Variants in FAM227B observed in about 807,000 individuals in gnomAD.
FAM227B encodes family with sequence similarity 227 member B.
Under a neutral mutation model 73.8 loss-of-function variants are expected in FAM227B, and 88 were observed. The observed-to-expected ratio is 1.19, with a 90% CI of 1.00 to 1.42. FAM227B has a LOEUF of 1.42. FAM227B is among the 40% of genes most tolerant of loss of function. FAM227B has a pLI of 0.00. For synonymous variants in FAM227B, 210 were observed against 190.5 expected (o/e 1.10, Z -0.84); for missense variants, 632 against 590.9 (o/e 1.07, Z -0.72).
intron 13 of FAM227B, among the ~76,000 whole-genome samples, chr15:49,358,914 A>G (rs2043675261): frequency 6.8e-6 from 1 of 147,640 alleles, no homozygotes. Flanking sequence ...AACAGAACAG[A>G]GCCCTCAGAA....
intron 5 of FAM227B, among the ~76,000 whole-genome samples, chr15:49,578,609 GATGACAT>G (rs1336718427): frequency 1.3e-5 from 2 of 151,870 alleles, no homozygotes; most frequent in Non-Finnish European, 2.9e-5. Context: ...TTAGAAAGAA[GATGACAT>G]ATGACATATA....
At chr15:49,565,745 T>C (rs2074603649) in intron 9 of FAM227B, among the ~76,000 whole-genome samples, 1 of 152,096 alleles carries the variant, frequency 6.6e-6, no homozygotes, top group African/African-American at 2.4e-5. Context: ...AGATCTTCGG[T>C]GGGGGTTAAG....
chr15:49,396,377 A>C (rs1350362386), intron 11 of FAM227B: 1 of 243,906 alleles, frequency 4.1e-6, no homozygotes, highest in Admixed American at 5.1e-5. Context: ...TTGCTAGCAC[A>C]GCAGTCTGAG....
intron 11 of FAM227B, among the ~76,000 whole-genome samples, chr15:49,495,496 C>T (rs973827145): frequency 1.3e-5 from 2 of 152,104 alleles, no homozygotes; most frequent in African/African-American, 4.8e-5. Flanking sequence ...AAATTGCTAC[C>T]ACTTTGGGAG....
At chr15:49,598,367 T>C (rs1017126840) in intron 3 of FAM227B, among the ~76,000 whole-genome samples, 22 of 152,052 alleles carry the variant, frequency 1.4e-4, no homozygotes, top group African/African-American at 4.8e-4. Flanking sequence ...CTGGAATCTT[T>C]AGAGTTTTGT....
chr15:49,602,724 C>A (rs1448212221), intron 3 of FAM227B, among the ~76,000 whole-genome samples: 1 of 152,138 alleles, frequency 6.6e-6, no homozygotes, highest in Non-Finnish European at 1.5e-5. Context: ...TTTGCCCAGA[C>A]CAATGTGCTG....
intron 12 of FAM227B, among the ~76,000 whole-genome samples, 200 bp downstream of exon 12, chr15:49,371,102 G>A (rs72727271): frequency 6.6e-6 from 1 of 152,110 alleles, no homozygotes; most frequent in Non-Finnish European, 1.5e-5. Context: ...CATTAGAAAT[G>A]GGGATATTTT....
At chr15:49,379,399 A>G (rs1420395991) in intron 11 of FAM227B, among the ~76,000 whole-genome samples, 1 of 152,166 alleles carries the variant, frequency 6.6e-6, no homozygotes, top group Non-Finnish European at 1.5e-5. Context: ...AATGTTTGCT[A>G]GAATTCAGCT....
intron 3 of FAM227B, among the ~76,000 whole-genome samples, chr15:49,609,253 T>C (rs761018032): frequency 2.6e-5 from 4 of 151,476 alleles, no homozygotes; most frequent in Non-Finnish European, 4.4e-5. Flanking sequence ...AAATGATCAA[T>C]AGAGAAATGA....
At chr15:49,554,388 C>T (rs1377945436) in intron 9 of FAM227B, among the ~76,000 whole-genome samples, 1 of 152,178 alleles carries the variant, frequency 6.6e-6, no homozygotes. Flanking sequence ...GAGTCGCAGT[C>T]CTTATGGCCT....
At chr15:49,427,320 A>C (rs1376853835) in intron 11 of FAM227B, among the ~76,000 whole-genome samples, 5 of 152,080 alleles carry the variant, frequency 3.3e-5, no homozygotes, top group Non-Finnish European at 7.4e-5. Flanking sequence ...TGGACAAATA[A>C]ATGAATGAAA....
At chr15:49,538,958 T>C (rs1224286064) in intron 10 of FAM227B, among the ~76,000 whole-genome samples, 2 of 152,160 alleles carry the variant, frequency 1.3e-5, no homozygotes, top group Admixed American at 1.3e-4. Context: ...TTTGGGTCAG[T>C]TACTAGAAAA....
intron 9 of FAM227B, among the ~76,000 whole-genome samples, chr15:49,564,757 A>T (rs2074512678): frequency 6.6e-6 from 1 of 152,070 alleles, no homozygotes; most frequent in African/African-American, 2.4e-5. Flanking sequence ...CAAATACCAC[A>T]TGTTCTCACT....
chr15:49,539,092 A>G (rs747858876), intron 10 of FAM227B, among the ~76,000 whole-genome samples: 3 of 152,100 alleles, frequency 2.0e-5, no homozygotes, highest in Non-Finnish European at 2.9e-5. Flanking sequence ...TTGGTGGGGA[A>G]AGAGCTTCAA....
intron 2 of FAM227B, among the ~76,000 whole-genome samples, chr15:49,612,919 T>C (rs1042881249): frequency 6.6e-6 from 1 of 152,178 alleles, no homozygotes; most frequent in Non-Finnish European, 1.5e-5. Flanking sequence ...ACAACCATTA[T>C]AGAAAATGAG....
intron 11 of FAM227B, among the ~76,000 whole-genome samples, chr15:49,481,340 T>G (rs139074606): frequency 3.7e-4 from 56 of 152,342 alleles, no homozygotes; most frequent in African/African-American, 1.3e-3. Context: ...TCTTCAGTAT[T>G]TTTCATTTTA....
At chr15:49,558,154 G>A (rs530509289) in intron 9 of FAM227B, among the ~76,000 whole-genome samples, 6 of 151,988 alleles carry the variant, frequency 3.9e-5, no homozygotes, top group Non-Finnish European at 8.8e-5. Flanking sequence ...TACTGTGGGT[G>A]GTCACAGCTC....
chr15:49,512,268 A>G (rs1240992440), intron 10 of FAM227B, among the ~76,000 whole-genome samples: 2 of 152,164 alleles, frequency 1.3e-5, no homozygotes, highest in African/African-American at 4.8e-5. Flanking sequence ...TGAATATAAA[A>G]AGAATTTTTA....
At chr15:49,375,886 A>G (rs1446674237) in intron 11 of FAM227B, among the ~76,000 whole-genome samples, 1 of 152,098 alleles carries the variant, frequency 6.6e-6, no homozygotes, top group Non-Finnish European at 1.5e-5. Flanking sequence ...AATTGAGACT[A>G]TCTTTATTTT....
Sources: gnomAD v4.1 joint callset for allele counts (sites outside exome capture counted in the v4.1 genomes callset) on GRCh38, gnomAD v4.1.1 for gene constraint, MANE v1.5 for transcripts, NCBI Gene and HGNC (gene_info 2026-07-23, HGNC 2026-07-21) for gene names.